Variants in TRPM5 observed in about 807,000 individuals in gnomAD.
The protein encoded by TRPM5 is MLSN1 and TRP-related.
In TRPM5, 121 loss-of-function variants were observed where a neutral mutation model predicts 124.9. The observed-to-expected ratio is 0.97, with a 90% confidence interval of 0.84 to 1.13. The LOEUF is 1.13. TRPM5 is among the 50% of genes most tolerant of loss of function. The pLI is 0.00. For synonymous variants in TRPM5, 781 were observed against 700.5 expected (o/e 1.11, Z -1.81); for missense variants, 1,643 against 1,589.1 (o/e 1.03, Z -0.58).
intron 18 of TRPM5, among the ~76,000 whole-genome samples, chr11:2,409,018 G>A (rs569162636): frequency 1.3e-5 from 2 of 152,184 alleles, no homozygotes; most frequent in Admixed American, 1.3e-4. Context: ...GTTCTGGGGG[G>A]TCTCCTTGTT....
intron 18 of TRPM5, among the ~76,000 whole-genome samples, chr11:2,409,363 T>TA (rs1442068784): frequency 1.3e-5 from 2 of 151,968 alleles, no homozygotes; most frequent in African/African-American, 2.4e-5. Context: ...ATCTGTCTGA[T>TA]AAAGGCAGCT....
At position 2,407,765 on chromosome 11, in the gene TRPM5, A is replaced by T. The variant is rs144913937; in HGVS notation, c.2930T>A (p.Met977Lys). 2.5e-6 allele frequency: 4 copies of T among 1,613,504 alleles called. No individual in the cohort carries two copies. The African/African-American group carries it at 5.3e-5, about 22-fold the overall frequency. Residue 977 changes from methionine to lysine, a missense_variant, in exon 19 of 24, where the codon ATG becomes AAG. Transcript: ENST00000155858. ...AGGGGTTGGGTGGAGTCACCTGAAC[A>T]TGGCGATGAGCAGGTTCATGAGCAG... is the stretch of plus-strand genomic sequence containing the variant.
At chr11:2,444,115 C>T in the TRPM5 span, among the ~76,000 whole-genome samples, 18 of 152,020 alleles carry the variant, frequency 1.2e-4, no homozygotes, top group African/African-American at 4.3e-4. Flanking sequence ...CCCCCAGCAG[C>T]CCTGCCGGCT....
At chr11:2,409,184 A>G (rs1190650392) in intron 18 of TRPM5, among the ~76,000 whole-genome samples, 1 of 151,904 alleles carries the variant, frequency 6.6e-6, no homozygotes. Flanking sequence ...GCAGTCAGTG[A>G]GCGCCAGCCC....
intron 18 of TRPM5, among the ~76,000 whole-genome samples, chr11:2,408,850 A>G (rs1214713946): frequency 1.3e-5 from 2 of 152,172 alleles, no homozygotes; most frequent in Non-Finnish European, 2.9e-5. Flanking sequence ...CTCCCTCCCC[A>G]GCCTGCACGC....
At chr11:2,406,906 G>A (rs1266764499) in intron 20 of TRPM5, 113 bp from the exon 26 acceptor site, 1 of 1,461,572 alleles carries the variant, frequency 6.8e-7, no homozygotes, top group African/African-American at 1.4e-5. Flanking sequence ...GTGGGGCCCA[G>A]CCAGGGATGG....
chr11:2,429,445 ATGT>A, the TRPM5 span, among the ~76,000 whole-genome samples: 33 of 147,592 alleles, frequency 2.2e-4, no homozygotes, highest in Admixed American at 4.1e-4. The surrounding 1 kb of genome is among the most constrained non-coding windows in gnomAD (Gnocchi z 8.4). Flanking sequence ...AATTGTGGTG[ATGT>A]TGGTGATGGT....
At chr11:2,418,583 T>C in exon 5 of TRPM5, 1 of 1,611,224 alleles carries the variant, frequency 6.2e-7, no homozygotes, top group African/African-American at 1.3e-5. Context: ...ATCTCGATGC[T>C]GCCAGTGCCT....
chr11:2,443,829 C>CA, the TRPM5 span, among the ~76,000 whole-genome samples: 162 of 149,980 alleles, frequency 1.1e-3, 1 homozygote, highest in African/African-American at 3.7e-3. The surrounding 1 kb of genome is among the most constrained non-coding windows in gnomAD (Gnocchi z 5.0). Flanking sequence ...CCCCACCCCC[C>CA]CCCCAAGCCT....
In TRPM5 at chr11:2,417,722, C is replaced by G. The variant is rs768163372; in HGVS notation, c.1009+5G>C. ...GCCTGCCTTGCCCACCCTGCCCGCCCTCACCTTTCACCAGCGCCTTCAGGA... is the reference window on the plus strand; with the variant it reads ...GCCTGCCTTGCCCACCCTGCCCGCCGTCACCTTTCACCAGCGCCTTCAGGA... On this transcript the variant is annotated splice_donor_5th_base_variant and intron_variant, in intron 7 of 23. Coordinates refer to ENST00000155858, the Ensembl canonical transcript of TRPM5. 6.4e-7 allele frequency: 1 copy of G among 1,567,922 alleles called. No homozygotes were observed. Among genetic ancestry groups the G allele is most frequent in the Non-Finnish European group, 8.7e-7 (1 of 1,151,072 alleles).
At chr11:2,420,361 C>T (rs1278846839) in exon 4 of TRPM5, 3 of 1,612,738 alleles carry the variant, frequency 1.9e-6, no homozygotes. Flanking sequence ...AGAGGGGGCC[C>T]TGGCTGCCGC....
At chr11:2,404,710 G>C in exon 24 of TRPM5, 1 of 543,890 alleles carries the variant, frequency 1.8e-6, no homozygotes. Context: ...AGTTGTGCCT[G>C]TCAGGGGAGA....
At chr11:2,422,664 T>A (rs997894127) in intron 1 of TRPM5, among the ~76,000 whole-genome samples, 1 of 150,648 alleles carries the variant, frequency 6.6e-6, no homozygotes, top group African/African-American at 2.4e-5. Flanking sequence ...GGGCCCTGGA[T>A]GCACTTGACC....
rs79526258 is a variant in TRPM5, at chr11:2,405,029, C to T, written c.3406G>A (p.Gly1136Ser). Residue 1136 changes from glycine to serine, a missense_variant, in exon 24 of 24, where the codon GGC becomes AGC. Gly to Ser is a moderately conservative substitution (Grantham distance 56, BLOSUM62 0). Coordinates refer to ENST00000155858, the Ensembl canonical transcript of TRPM5. ...GCAGCCACCAGCTGGCTTCCCTCGC[C>T]ACAGTGCTGAGAGCCTGCTGGGAAG... The T allele has an allele frequency of 2.5e-3, 3,959 of 1,612,590 alleles. 84 individuals carry two copies. In the African/African-American group the frequency reaches 0.045, roughly 18 times the overall value.
chr11:2,423,164 G>A, upstream of TRPM5: 4 of 724,682 alleles, frequency 5.5e-6, no homozygotes, highest in Non-Finnish European at 9.1e-6. Context: ...ACATGCACAA[G>A]GAGACCTGGG....
At chr11:2,411,712 C>T (rs747723205) in exon 17 of TRPM5, 3 of 1,612,724 alleles carry the variant, frequency 1.9e-6, no homozygotes, top group Non-Finnish European at 2.5e-6. Flanking sequence ...AGCGTGAACA[C>T]CATGAAGTCC....
chr11:2,414,610 C>T, intron 11 of TRPM5, 105 bp downstream of exon 16: 1 of 1,408,052 alleles, frequency 7.1e-7, no homozygotes, highest in Non-Finnish European at 9.3e-7. Context: ...CCTGGAGCCC[C>T]ACGGCGGTAA....
chr11:2,406,648 C>G lies in TRPM5; in HGVS notation c.3251+13G>C, dbSNP rs779991523. 6.3e-7 allele frequency: 1 copy of G among 1,599,646 alleles called. No individual in the cohort carries two copies. Among genetic ancestry groups the G allele is most frequent in the South Asian group, 1.1e-5 (1 of 88,362 alleles). On this transcript the variant is annotated intron_variant, in intron 21 of 23. Transcript: ENST00000155858. ...GCCCGATACCCACCAGTGATCAGGA[C>G]AGGCCCCCGCACCTGTGGGCGGTTT...
Position 2,417,961 on chromosome 11 carries a change from A to G in TRPM5, c.907-132T>C, listed in dbSNP as rs1403795663. 4 of 1,029,240 alleles carry G rather than the reference A, an allele frequency of 3.9e-6. No homozygotes were observed. The African/African-American group carries it at 6.4e-5, about 16-fold the overall frequency. 63.8% of individuals were successfully genotyped at this position (1,029,240 alleles called of 1,614,324 possible). A position where few individuals can be genotyped will look rare whatever the true frequency, so the allele number is the denominator to read the frequency against. On this transcript the variant is annotated intron_variant, in intron 6 of 23. Transcript: ENST00000155858. ...CTTGCAGCCTGCATGCCCACCGCCC[A>G]CCGGGCCCGGCCTGGGACCACCCGC...
Sources: allele counts gnomAD v4.1 joint callset (sites outside exome capture counted in the v4.1 genomes callset), GRCh38; gene constraint gnomAD v4.1.1; non-coding constraint Gnocchi (gnomAD v3.1); transcripts MANE v1.5; gene names NCBI Gene and HGNC (gene_info 2026-07-23, HGNC 2026-07-21).